The following SORBS2 variants were observed in gnomAD, a reference collection of about 807,000 sequenced individuals.
SORBS2 encodes the protein sorbin and SH3 domain-containing protein 2.
SORBS2 carries 46 observed loss-of-function variants against 97.7 expected under a neutral mutation model. The ratio of observed to expected loss-of-function variants is 0.47; its 90% CI spans 0.37 to 0.60. SORBS2 has a LOEUF of 0.60. SORBS2 is among the 20% of genes least tolerant of loss of function. SORBS2 has a pLI of 0.00. For missense variants in SORBS2, 1,316 were observed against 1,282.3 expected, an observed-to-expected ratio of 1.03 and a Z score of -0.40; for synonymous variants, 476 against 473.4, an observed-to-expected ratio of 1.01 and a Z score of -0.07.
rs190768243 is a variant in SORBS2 at position 185,876,041 on chromosome 4, C to T, written c.-338+80155G>A. On this transcript the variant is annotated intron_variant, in intron 1 of 20. Transcript: ENST00000284776. ...GTGTTTTGTACCCTTCTCCATACAA[C>T]TTTTGACGCGAGTGTAAAGTACTTC... Among the ~76,000 whole-genome samples the T allele has an allele frequency of 9.9e-4, 151 of 152,294 alleles. 2 individuals are homozygous for T. The highest frequency in any genetic ancestry group is 6.9e-3 in the Admixed American group (105 of 15,290).
At chr4:185,617,157 A>G (rs747720996) in intron 9 of SORBS2, among the ~76,000 whole-genome samples, 1 of 152,230 alleles carries the variant, frequency 6.6e-6, no homozygotes, top group Non-Finnish European at 1.5e-5. Context: ...TAAGAAAGCT[A>G]TGGATTGATT....
chr4:185,716,242 A>G (rs2030143), intron 2 of SORBS2, among the ~76,000 whole-genome samples: 120,926 of 152,096 alleles, frequency 0.8, 48,990 homozygotes, highest in Non-Finnish European at 0.89. Context: ...TAGATGCTGG[A>G]GCCAAGCCAG....
chr4:185,767,513 A>G lies in SORBS2; in HGVS notation c.-198+7714T>C, dbSNP rs1431444431. Among the ~76,000 whole-genome samples, 483 of 148,920 alleles carry G rather than the reference A, an allele frequency of 3.2e-3. 4 individuals are homozygous for G. Among genetic ancestry groups the G allele is most frequent in the Non-Finnish European group, 5.3e-3 (359 of 67,256 alleles). Reference sequence around the variant, plus strand: ...AGACTCTGTCTCAAAAAAAAAAAAAAAAAAAAGAGAAAGAAAATGAAAGAG... The same window carrying G: ...AGACTCTGTCTCAAAAAAAAAAAAAGAAAAAAGAGAAAGAAAATGAAAGAG... On this transcript the variant is annotated intron_variant, in intron 2 of 20. Coordinates refer to the SORBS2 transcript ENST00000284776.
At chr4:185,876,743 G>A (rs1326762325) in intron 1 of SORBS2, among the ~76,000 whole-genome samples, 1 of 152,094 alleles carries the variant, frequency 6.6e-6, no homozygotes, top group East Asian at 1.9e-4. Flanking sequence ...AGAAAGTAGA[G>A]GTCTATCTAA....
chr4:185,726,490 A>C (rs1167075081), intron 2 of SORBS2, among the ~76,000 whole-genome samples: 1 of 152,016 alleles, frequency 6.6e-6, no homozygotes, highest in Non-Finnish European at 1.5e-5. Flanking sequence ...TTCAGGGACC[A>C]TTTTTCAAAA....
At chr4:185,804,720 A>T (rs1230169745) in intron 1 of SORBS2, among the ~76,000 whole-genome samples, 1 of 152,084 alleles carries the variant, frequency 6.6e-6, no homozygotes, top group Non-Finnish European at 1.5e-5. Context: ...TATTATTATC[A>T]ATATCTTTTG....
At chr4:185,687,303 C>T (rs2097984840) in intron 2 of SORBS2, among the ~76,000 whole-genome samples, 1 of 152,208 alleles carries the variant, frequency 6.6e-6, no homozygotes, top group Non-Finnish European at 1.5e-5. Flanking sequence ...GCTGGAATTA[C>T]AGGCGTGAGC....
In SORBS2 at chr4:185,588,280, A is replaced by T. The variant is rs1410092594; in HGVS notation, c.2954-592T>A. 3.3e-5 allele frequency: 5 copies of T among 152,294 alleles called. No homozygotes were observed. The South Asian group carries it at 1.0e-3, about 31-fold the overall frequency. 9.4% of individuals were successfully genotyped at this position (152,294 alleles called of 1,614,324 possible). A position where few individuals can be genotyped will look rare whatever the true frequency, so the allele number is the denominator to read the frequency against. On this transcript the variant is annotated intron_variant, in intron 14 of 14. Transcript: ENST00000418609. Reference sequence around the variant, plus strand: ...TCAACAATTTACAAATCATTAATGAAAAAAAGGATTAAGCACTATTTGTGT... The same window carrying T: ...TCAACAATTTACAAATCATTAATGATAAAAAGGATTAAGCACTATTTGTGT...
chr4:185,861,523 TAGAGGTCCCAG>T (rs2099223755), intron 1 of SORBS2, among the ~76,000 whole-genome samples: 2 of 152,014 alleles, frequency 1.3e-5, no homozygotes, highest in African/African-American at 4.8e-5. Context: ...CAGAGTGCTT[TAGAGGTCCCAG>T]AGAGGAATCT....
intron 1 of SORBS2, among the ~76,000 whole-genome samples, chr4:185,784,844 T>G (rs979566249): frequency 6.6e-6 from 1 of 152,220 alleles, no homozygotes; most frequent in Non-Finnish European, 1.5e-5. Flanking sequence ...TATCATTTCC[T>G]AATGGAGCAA....
At chr4:185,860,457 T>C (rs2099223083) in intron 1 of SORBS2, among the ~76,000 whole-genome samples, 1 of 152,218 alleles carries the variant, frequency 6.6e-6, no homozygotes, top group Admixed American at 6.5e-5. Flanking sequence ...GCACTCACGC[T>C]GAAGCCCCAT....
In SORBS2 at chr4:185,844,330, G is replaced by A. The variant is rs187434455; in HGVS notation, c.-337-68964C>T. ...AGACATTTCTCTAAAGAGGATATGCGAATGATCGGCAGACACACGAAAAGA... is the reference window on the plus strand; with the variant it reads ...AGACATTTCTCTAAAGAGGATATGCAAATGATCGGCAGACACACGAAAAGA... On this transcript the variant is annotated intron_variant, in intron 1 of 20. Transcript: ENST00000284776. Among the ~76,000 whole-genome samples the A allele has an allele frequency of 3.1e-3, 479 of 152,292 alleles. 1 individual carries two copies. Among genetic ancestry groups the A allele is most frequent in the Non-Finnish European group, 5.0e-3 (339 of 68,036 alleles).
intron 1 of SORBS2, among the ~76,000 whole-genome samples, chr4:185,812,791 T>C (rs2099189031): frequency 6.6e-6 from 1 of 152,212 alleles, no homozygotes; most frequent in South Asian, 2.1e-4. Context: ...ATCTGATTAC[T>C]TTAAGATGCT....
At chr4:185,814,407 G>A (rs1038814268) in intron 1 of SORBS2, among the ~76,000 whole-genome samples, 34 of 151,862 alleles carry the variant, frequency 2.2e-4, no homozygotes, top group African/African-American at 7.3e-4. Flanking sequence ...CAGGCATGGT[G>A]GTGCACGCCT....
At chr4:185,913,831 T>C (rs1032580850) in intron 1 of SORBS2, among the ~76,000 whole-genome samples, 1 of 152,192 alleles carries the variant, frequency 6.6e-6, no homozygotes, top group Non-Finnish European at 1.5e-5. Context: ...AAATTTGTTT[T>C]TGAGCTCTGA....
Position 185,606,982 on chromosome 4 carries a change from T to C in SORBS2, c.2796+4798A>G, listed in dbSNP as rs1394167253. 2.0e-6 allele frequency: 2 copies of C among 995,896 alleles called. No individual in the cohort carries two copies. Among genetic ancestry groups the C allele is most frequent in the Non-Finnish European group, 2.4e-6 (2 of 836,004 alleles). 61.7% of individuals were successfully genotyped at this position (995,896 alleles called of 1,614,324 possible). On this transcript the variant is annotated intron_variant, in intron 12 of 14. Coordinates refer to ENST00000418609, the Ensembl canonical transcript of SORBS2. This position sits in a 1 kb window ranked among gnomAD's most constrained non-coding sequence, Gnocchi z 4.3. ...GCTTTGAGTTGTCGTTCTGGGATCC[T>C]GAAGAGGCTCTGCATGGTAAGGCTG...
At chr4:185,689,600 G>A (rs374040624) in intron 2 of SORBS2, among the ~76,000 whole-genome samples, 9 of 152,116 alleles carry the variant, frequency 5.9e-5, no homozygotes, top group East Asian at 1.9e-4. Flanking sequence ...GAGCCCGCCC[G>A]CACAGCCTTC....
In SORBS2 at chr4:185,847,645, C is replaced by T. The variant is rs907480921; in HGVS notation, c.-337-72279G>A. Among the ~76,000 whole-genome samples the T allele has an allele frequency of 4.6e-5, 7 of 152,270 alleles. No individual in the cohort carries two copies. In the East Asian group the frequency reaches 1.4e-3, roughly 29 times the overall value. ...CACCCTGTTGCCCTTCCCAGAGCTG[C>T]TGTAGACGGCAGCAACGATTATAGC... On this transcript the variant is annotated intron_variant, in intron 1 of 20. Transcript: ENST00000284776.
At chr4:185,624,155 G>A (rs774271021) in exon 7 of SORBS2, 4 of 1,614,224 alleles carry the variant, frequency 2.5e-6, no homozygotes, top group East Asian at 4.5e-5. Context: ...GGACCCCCAC[G>A]CCATGGGGCA....
Sources: gnomAD v4.1 joint callset for allele counts (sites outside exome capture counted in the v4.1 genomes callset) on GRCh38, gnomAD v4.1.1 for gene constraint, Gnocchi (gnomAD v3.1) non-coding constraint, MANE v1.5 for transcripts, NCBI Gene and HGNC (gene_info 2026-07-23, HGNC 2026-07-21) for gene names.